The following SCOC variants were observed in gnomAD, a reference collection of about 807,000 sequenced individuals.
SCOC encodes short coiled coil protein.
In SCOC, 7 loss-of-function variants were observed where a neutral mutation model predicts 9.9. The ratio of observed to expected loss-of-function variants is 0.71; its 90% CI spans 0.40 to 1.33. SCOC has a LOEUF of 1.33. Ranked by LOEUF, SCOC falls within the 40% of genes most tolerant of loss-of-function variation. The pLI is 0.01. For synonymous variants in SCOC, 19 were observed against 28.2 expected (o/e 0.67, Z 1.03); for missense variants, 66 against 89.7 (o/e 0.74, Z 1.07).
upstream of SCOC, among the ~76,000 whole-genome samples, chr4:140,340,638 CAA>C (rs1726477819): frequency 6.6e-6 from 1 of 151,856 alleles, no homozygotes; most frequent in Non-Finnish European, 1.5e-5. Flanking sequence ...TAAAACTATA[CAA>C]CTAGTAGAAG....
intron 1 of SCOC, among the ~76,000 whole-genome samples, chr4:140,269,397 G>T (rs569352327): frequency 1.3e-5 from 2 of 152,214 alleles, no homozygotes; most frequent in South Asian, 4.2e-4. Flanking sequence ...GCCCTAAGCT[G>T]CCGTGTAAGG....
intron 1 of SCOC, among the ~76,000 whole-genome samples, chr4:140,291,819 C>T (rs1731481708): frequency 6.6e-6 from 1 of 152,160 alleles, no homozygotes; most frequent in South Asian, 2.1e-4. Context: ...CCAGCTCAGA[C>T]CTTGTGTCTG....
At chr4:140,336,833 A>G (rs1238671671) in intron 1 of SCOC, among the ~76,000 whole-genome samples, 1 of 152,226 alleles carries the variant, frequency 6.6e-6, no homozygotes, top group East Asian at 1.9e-4. Flanking sequence ...ACATCATTTT[A>G]CATTCCCACC....
At chr4:140,322,506 G>A (rs934978246) in intron 1 of SCOC, among the ~76,000 whole-genome samples, 1 of 152,150 alleles carries the variant, frequency 6.6e-6, no homozygotes, top group Non-Finnish European at 1.5e-5. Flanking sequence ...GGCCACCCAT[G>A]TTACAAAGTA....
chr4:140,352,398 T>C (rs967147334), intron 2 of SCOC, among the ~76,000 whole-genome samples: 3 of 152,158 alleles, frequency 2.0e-5, no homozygotes, highest in Non-Finnish European at 2.9e-5. Context: ...AAAGATAATA[T>C]GGACAGTGGC....
At chr4:140,295,372 C>T (rs1447953325) in intron 1 of SCOC, among the ~76,000 whole-genome samples, 1 of 152,196 alleles carries the variant, frequency 6.6e-6, no homozygotes, top group Admixed American at 6.5e-5. Context: ...CACCCCACCA[C>T]TCCATGTGAA....
At chr4:140,341,750 A>G (rs1012492641), upstream of SCOC, among the ~76,000 whole-genome samples, 20 of 152,212 alleles carry the variant, frequency 1.3e-4, no homozygotes, top group Non-Finnish European at 2.5e-4. Flanking sequence ...TCTGAAATCC[A>G]TAACTACATT....
At chr4:140,326,609 A>G (rs1457382828) in intron 1 of SCOC, among the ~76,000 whole-genome samples, 1 of 149,928 alleles carries the variant, frequency 6.7e-6, no homozygotes, top group Non-Finnish European at 1.5e-5. Context: ...CCCACGCTTT[A>G]CAGTACAGCA....
At chr4:140,372,438 T>A (rs530459200), upstream of SCOC, among the ~76,000 whole-genome samples, 3 of 152,360 alleles carry the variant, frequency 2.0e-5, no homozygotes, top group African/African-American at 7.2e-5. Context: ...ATTCAAATAT[T>A]CCACAATCTT....
Position 140,383,850 on chromosome 4 carries a change from AAAGT to A in SCOC, c.*2748_*2751del, listed in dbSNP as rs1728635130. ...CAACCAAGCTTTTGACCAAATTCTCAAAGTATGTATTATTTTTGCCTTTCTTTAA... is the reference window on the plus strand; with the variant it reads ...CAACCAAGCTTTTGACCAAATTCTCAATGTATTATTTTTGCCTTTCTTTAA... On this transcript the variant is annotated 3_prime_UTR_variant, in exon 4 of 4. Coordinates refer to ENST00000608372, the MANE Select transcript of SCOC (RefSeq NM_001153484.2). 6.6e-6 allele frequency: 1 copy of A among 152,204 alleles called. No individual in the cohort carries two copies. The highest frequency in any genetic ancestry group is 6.5e-5 in the Admixed American group (1 of 15,274). The allele number at this position is 152,204 out of a possible 1,614,324, so 9.4% of individuals were successfully genotyped here.
chr4:140,356,590 T>G (rs1727239952), intron 2 of SCOC, among the ~76,000 whole-genome samples: 1 of 152,220 alleles, frequency 6.6e-6, no homozygotes, highest in African/African-American at 2.4e-5. Context: ...TTGTGTAAAA[T>G]GGTTCTCAGT....
At chr4:140,312,017 A>C (rs1476412805) in intron 1 of SCOC, among the ~76,000 whole-genome samples, 2 of 152,246 alleles carry the variant, frequency 1.3e-5, no homozygotes, top group East Asian at 3.8e-4. Flanking sequence ...ACTTTTAGCG[A>C]GAAATAGTTA....
intron 2 of SCOC, among the ~76,000 whole-genome samples, chr4:140,349,669 C>T (rs1057428057): frequency 2.0e-5 from 3 of 152,174 alleles, no homozygotes; most frequent in Non-Finnish European, 4.4e-5. Context: ...CCTTCTTTCT[C>T]ACAATCTGAT....
chr4:140,270,645 A>G (rs1035758718), intron 1 of SCOC, among the ~76,000 whole-genome samples: 1 of 152,178 alleles, frequency 6.6e-6, no homozygotes, highest in African/African-American at 2.4e-5. Flanking sequence ...AATGACTAGG[A>G]TACAGGACTA....
At chr4:140,360,681 G>C (rs1301292822) in intron 2 of SCOC, 1 of 152,198 alleles carries the variant, frequency 6.6e-6, no homozygotes, top group African/African-American at 2.4e-5. Flanking sequence ...TACGGACTGG[G>C]AACAGAGCAC....
At chr4:140,355,211 T>TTATATATATATATATATATA (rs34322076) in intron 2 of SCOC, among the ~76,000 whole-genome samples, 3 of 61,418 alleles carry the variant, frequency 4.9e-5, no homozygotes, top group Non-Finnish European at 1.2e-4. Flanking sequence ...CATTATATTT[T>TTATATATATATATATATATA]TATATATATA....
At chr4:140,268,179 T>C (rs7681485) in intron 1 of SCOC, among the ~76,000 whole-genome samples, 1 of 152,142 alleles carries the variant, frequency 6.6e-6, no homozygotes, top group Admixed American at 6.5e-5. Flanking sequence ...CCTCTCAGTT[T>C]AGAAATAACC....
chr4:140,269,728 G>A (rs1311382417), intron 1 of SCOC, among the ~76,000 whole-genome samples: 4 of 152,150 alleles, frequency 2.6e-5, no homozygotes, highest in African/African-American at 9.7e-5. Flanking sequence ...AACTAGACAA[G>A]TTCCTAGTCT....
intron 1 of SCOC, among the ~76,000 whole-genome samples, chr4:140,274,990 A>G (rs114209527): frequency 1.1e-3 from 172 of 152,238 alleles, no homozygotes; most frequent in African/African-American, 4.0e-3. Flanking sequence ...ATGGAATTTT[A>G]TCTTCCCCAT....
Sources: gnomAD v4.1 joint callset for allele counts (sites outside exome capture counted in the v4.1 genomes callset) on GRCh38, gnomAD v4.1.1 for gene constraint, MANE v1.5 for transcripts, NCBI Gene and HGNC (gene_info 2026-07-23, HGNC 2026-07-21) for gene names.